ASB8: variants seen among roughly 807,000 people sequenced by gnomAD.
The protein encoded by ASB8 is ankyrin repeat and SOCS box containing 8.
Under a neutral mutation model 22.9 loss-of-function variants are expected in ASB8, and 15 were observed. That is an observed-to-expected ratio of 0.66 (90% CI 0.44 to 1.01). The LOEUF is 1.01. Among genes scored for constraint, ASB8 ranks in the 50% least tolerant of loss-of-function variants. The probability of loss-of-function intolerance (pLI) is 0.00; values close to 1 mark genes in which losing one functional copy is unlikely to be tolerated. For missense variants in ASB8, 294 were observed against 356.9 expected (o/e 0.82, Z 1.42); for synonymous variants, 124 against 140.8 (o/e 0.88, Z 0.84).
chr12:48,149,799 T>C lies in ASB8; in HGVS notation c.434A>G (p.Asn145Ser), dbSNP rs1356581586. Residue 145 changes from asparagine (N) to serine (S), a missense_variant, in exon 4 of 4, where the codon AAT (asparagine) becomes AGT (serine). Transcript: ENST00000317697. Reference sequence around the variant, plus strand: ...TGTATCATTGTTGTAATCCAGGGCATTGACAGAGGCCCCGCTCTCTAGGAG... The same window carrying C: ...TGTATCATTGTTGTAATCCAGGGCACTGACAGAGGCCCCGCTCTCTAGGAG... ...RALLESGASV[N>S]ALDYNNDTPL... The C allele has an allele frequency of 1.3e-5, 21 of 1,613,972 alleles. No individual in the cohort carries two copies. The highest frequency in any genetic ancestry group is 1.8e-5 in the Non-Finnish European group (21 of 1,179,964).
rs1304558073 is a variant in ASB8 at position 48,153,531 on chromosome 12, T to C, written c.-33-2A>G. On this transcript the variant is annotated splice_acceptor_variant, in intron 1 of 3. Transcript: ENST00000317697. LOFTEE classifies it low-confidence loss of function (5UTR_SPLICE). ...AGGTGTTCACATGCTCCAAACTGCC[T>C]GAAACAAAGAAGTTTTCGGCATATA... is the stretch of plus-strand genomic sequence containing the variant. 3.1e-6 allele frequency: 5 copies of C among 1,609,948 alleles called. No individual in the cohort carries two copies. In the East Asian group the frequency reaches 1.1e-4, roughly 36 times the overall value.
chr12:48,151,464 G>A, intron 2 of ASB8, 159 bp from the exon 3 acceptor site: 1 of 1,017,042 alleles, frequency 9.8e-7, no homozygotes, highest in Non-Finnish European at 1.4e-6. Context: ...TTATGTCAAT[G>A]TCCAAACCAA....
chr12:48,153,300 C>A (rs1423759235), intron 2 of ASB8, 68 bp downstream of exon 2: 5 of 1,570,604 alleles, frequency 3.2e-6, no homozygotes, highest in Non-Finnish European at 4.4e-6. Context: ...AGCTGCAAAT[C>A]TGTGATCCAT....
intron 1 of ASB8, chr12:48,153,870 G>T: frequency 5.7e-6 from 1 of 174,700 alleles, no homozygotes; most frequent in Non-Finnish European, 1.2e-5. Flanking sequence ...AATTTTTGTG[G>T]TTTTTATGAT....
At chr12:48,152,150 C>CAAAAAAAA (rs61131844) in intron 2 of ASB8, among the ~76,000 whole-genome samples, 1 of 127,898 alleles carries the variant, frequency 7.8e-6, no homozygotes, top group Non-Finnish European at 1.7e-5. Flanking sequence ...AACTCCGTCT[C>CAAAAAAAA]AAAAAAAAAA....
rs1265017449 is a variant in ASB8 at position 48,147,896 on chromosome 12, T to A, written c.*1470A>T. 6.6e-6 allele frequency: 1 copy of A among 152,132 alleles called. No homozygotes were observed. The highest frequency in any genetic ancestry group is 1.5e-5 in the Non-Finnish European group (1 of 68,014). 9.4% of individuals were successfully genotyped at this position (152,132 alleles called of 1,614,324 possible). On this transcript the variant is annotated 3_prime_UTR_variant, in exon 4 of 4. Transcript: ENST00000317697. ...TTTCCAATTAGCTGTGTCAGTAGAT[T>A]CCATTCATTGTTTGTAGTTCCCAAT...
chr12:48,153,789 A>C, intron 1 of ASB8: 1 of 226,920 alleles, frequency 4.4e-6, no homozygotes, highest in Non-Finnish European at 8.8e-6. Flanking sequence ...TGTGTGGTTT[A>C]CAAACGACTA....
chr12:48,151,345 T>C, intron 2 of ASB8, 40 bp from the exon 3 acceptor site: 2 of 1,511,752 alleles, frequency 1.3e-6, no homozygotes, highest in Non-Finnish European at 1.8e-6. Context: ...TGTTCAGCTC[T>C]GGCTTGCCCA....
chr12:48,152,045 G>A (rs868190283), intron 2 of ASB8, among the ~76,000 whole-genome samples: 3 of 152,166 alleles, frequency 2.0e-5, no homozygotes, highest in African/African-American at 4.8e-5. Context: ...CCCGCTACTC[G>A]GGAGGCTGAG....
chr12:48,152,209 G>A (rs1951214990), intron 2 of ASB8, among the ~76,000 whole-genome samples: 1 of 151,748 alleles, frequency 6.6e-6, no homozygotes, highest in African/African-American at 2.4e-5. Flanking sequence ...GTCACTGAAT[G>A]ACTCAGCAGC....
chr12:48,149,519 T>A lies in ASB8; in HGVS notation c.714A>T (p.Glu238Asp). ...REVARDPQLCEKLTVLCSAPG... is the reference protein window; with the variant it reads ...REVARDPQLCDKLTVLCSAPG... ...GAGCTGAGCACAGAACAGTCAGTTT[T>A]TCACATAGCTGCGGGTCTCTGGCCA... Residue 238 changes from glutamate to aspartate, a missense_variant, in exon 4 of 4, where the codon GAA becomes GAT. Physicochemically the swap from Glu to Asp is conservative, Grantham distance 45. Coordinates refer to ENST00000317697, the MANE Select transcript of ASB8 (RefSeq NM_024095.5). 6.2e-7 allele frequency: 1 copy of A among 1,614,212 alleles called. No individual in the cohort carries two copies. The highest frequency in any genetic ancestry group is 1.1e-5 in the South Asian group (1 of 91,090).
chr12:48,155,176 A>G (rs1951280352), intron 1 of ASB8, among the ~76,000 whole-genome samples: 1 of 152,356 alleles, frequency 6.6e-6, no homozygotes, highest in Middle Eastern at 3.4e-3. Context: ...GAAACAGTAC[A>G]TATCAAAAAC....
intron 1 of ASB8, 35 bp from the exon 2 acceptor site, chr12:48,153,564 A>C: frequency 6.5e-7 from 1 of 1,542,530 alleles, no homozygotes; most frequent in Non-Finnish European, 8.9e-7. Flanking sequence ...ATACAATATC[A>C]CTGAGCACAC....
intron 3 of ASB8, chr12:48,150,877 A>T: frequency 4.2e-6 from 2 of 474,682 alleles, no homozygotes; most frequent in Non-Finnish European, 3.7e-6. Flanking sequence ...TTAAACGGAA[A>T]TATAAACAGC....
rs61697074 is a variant in ASB8, at chr12:48,156,224, TTCAAA to T, written c.-34+1230_-34+1234del. 1.0e-3 allele frequency among the ~76,000 whole-genome samples: 156 copies of T among 152,304 alleles called. 1 individual carries two copies. The highest frequency in any genetic ancestry group is 3.6e-3 in the African/African-American group (150 of 41,548). Reference sequence around the variant, plus strand: ...TAAAAATATTCATATGTATCGATAATTCAAATTAGGTATTTTTCTCCCGTTATCAT... The same window carrying T: ...TAAAAATATTCATATGTATCGATAATTTAGGTATTTTTCTCCCGTTATCAT... On this transcript the variant is annotated intron_variant, in intron 1 of 3. Coordinates refer to ENST00000317697, the MANE Select transcript of ASB8 (RefSeq NM_024095.5).
At chr12:48,151,691 T>G in intron 2 of ASB8, 1 of 1,246,364 alleles carries the variant, frequency 8.0e-7, no homozygotes, top group South Asian at 1.3e-5. Flanking sequence ...AGTGAGTCTG[T>G]CAGACTGAGG....
At chr12:48,156,488 G>T (rs888574759) in intron 1 of ASB8, among the ~76,000 whole-genome samples, 2 of 152,138 alleles carry the variant, frequency 1.3e-5, no homozygotes, top group Non-Finnish European at 1.5e-5. Flanking sequence ...GACCAAAGTG[G>T]TTCTGTTGCC....
At position 48,153,542 on chromosome 12, in the gene ASB8, A is replaced by G; in HGVS notation, c.-33-13T>C. On this transcript the variant is annotated splice_polypyrimidine_tract_variant and intron_variant, in intron 1 of 3. Transcript: ENST00000317697. ...TGCTCCAAACTGCCTGAAACAAAGA[A>G]GTTTTCGGCATATACAATATCACTG... 1.2e-6 allele frequency: 2 copies of G among 1,603,576 alleles called. No individual in the cohort carries two copies. The highest frequency in any genetic ancestry group is 1.7e-6 in the Non-Finnish European group (2 of 1,172,452).
At position 48,149,188 on chromosome 12, in the gene ASB8, T is replaced by C; in HGVS notation, c.*178A>G. 1 of 653,740 alleles carries C rather than the reference T, an allele frequency of 1.5e-6. No homozygotes were observed. 40.5% of individuals were successfully genotyped at this position (653,740 alleles called of 1,614,324 possible). On this transcript the variant is annotated 3_prime_UTR_variant, in exon 4 of 4. Coordinates refer to ENST00000317697, the MANE Select transcript of ASB8 (RefSeq NM_024095.5). ...AAACAAAAGTGAGGGATTTTTTTTG[T>C]TGGGTTGTTTGGTTTGGGAAGGGGA...
Sources: gnomAD v4.1 joint callset for allele counts (sites outside exome capture counted in the v4.1 genomes callset) on GRCh38, gnomAD v4.1.1 for gene constraint, MANE v1.5 for transcripts, NCBI Gene and HGNC (gene_info 2026-07-23, HGNC 2026-07-21) for gene names.